The following CDH12 variants were observed in gnomAD, a reference collection of about 807,000 sequenced individuals.
CDH12 encodes cadherin-12.
In CDH12, 41 loss-of-function variants were observed where a neutral mutation model predicts 74.1. The ratio of observed to expected loss-of-function variants is 0.55; its 90% CI spans 0.43 to 0.72. CDH12 has a LOEUF of 0.72. CDH12 is among the 30% of genes least tolerant of loss of function. The pLI, the probability that CDH12 is intolerant of heterozygous loss-of-function variation, is 0.00. For synonymous variants in CDH12, 399 were observed against 355.0 expected, an observed-to-expected ratio of 1.12 and a Z score of -1.39; for missense variants, 945 against 977.2, an observed-to-expected ratio of 0.97 and a Z score of 0.44.
intron 10 of CDH12, among the ~76,000 whole-genome samples, chr5:21,792,182 A>T (rs1746536125): frequency 6.6e-6 from 1 of 151,938 alleles, no homozygotes; most frequent in Non-Finnish European, 1.5e-5. Flanking sequence ...TTTACTGAGT[A>T]CCTAAGCCAC....
At chr5:22,136,200 A>G (rs991168832) in intron 4 of CDH12, among the ~76,000 whole-genome samples, 1 of 152,016 alleles carries the variant, frequency 6.6e-6, no homozygotes, top group Non-Finnish European at 1.5e-5. Flanking sequence ...GAAGGAGAGG[A>G]GGTAAATGCA....
chr5:22,049,608 C>T (rs562722098), intron 5 of CDH12, among the ~76,000 whole-genome samples: 2 of 152,134 alleles, frequency 1.3e-5, no homozygotes, highest in South Asian at 2.1e-4. Context: ...TAAAATTACT[C>T]TTATCATTTC....
intron 4 of CDH12, chr5:22,151,929 A>C (rs1747609062): frequency 6.6e-6 from 1 of 152,014 alleles, no homozygotes. Context: ...ATGTAAAGAG[A>C]CCACCTTCAC....
rs562608548 is a variant in CDH12, at chr5:22,748,438, GA to G, written c.-523+104619del. 2.5e-3 allele frequency among the ~76,000 whole-genome samples: 364 copies of G among 147,480 alleles called. 3 individuals are homozygous for G. Among genetic ancestry groups the G allele is most frequent in the Admixed American group, 4.3e-3 (64 of 14,804 alleles). Reference sequence around the variant, plus strand: ...TATTTGTGAGACATGAGTGAATAAGGAAAAAAAAAAGATAAAGATAAAAGCA... The same window carrying G: ...TATTTGTGAGACATGAGTGAATAAGGAAAAAAAAAGATAAAGATAAAAGCA... On this transcript the variant is annotated intron_variant, in intron 1 of 14. Coordinates refer to ENST00000382254, the MANE Select transcript of CDH12 (RefSeq NM_004061.5).
At chr5:22,624,734 T>C (rs1199755092) in intron 1 of CDH12, among the ~76,000 whole-genome samples, 1 of 152,182 alleles carries the variant, frequency 6.6e-6, no homozygotes, top group African/African-American at 2.4e-5. Context: ...AGTTCAACTA[T>C]TGTGGAAGAC....
intron 1 of CDH12, among the ~76,000 whole-genome samples, chr5:22,743,741 C>A (rs899879023): frequency 1.3e-5 from 2 of 152,084 alleles, no homozygotes; most frequent in African/African-American, 4.8e-5. Context: ...CTTTGTTTGG[C>A]ATAGCAATTT....
intron 4 of CDH12, among the ~76,000 whole-genome samples, chr5:22,122,124 T>C (rs1745551828): frequency 2.0e-5 from 3 of 152,044 alleles, no homozygotes; most frequent in Non-Finnish European, 2.9e-5. Flanking sequence ...TCATTTCTGC[T>C]GGGCGCAGTG....
At chr5:22,225,422 C>G (rs1430751899) in intron 3 of CDH12, among the ~76,000 whole-genome samples, 2 of 151,976 alleles carry the variant, frequency 1.3e-5, no homozygotes, top group Non-Finnish European at 2.9e-5. Flanking sequence ...AAGACAATGT[C>G]AGCAATTATT....
At chr5:22,452,655 G>A (rs1745091203) in intron 2 of CDH12, among the ~76,000 whole-genome samples, 1 of 151,774 alleles carries the variant, frequency 6.6e-6, no homozygotes, top group Non-Finnish European at 1.5e-5. Flanking sequence ...CATGGCATGG[G>A]ACTGGGTAAG....
intron 7 of CDH12, 123 bp from the exon 8 acceptor site, chr5:21,842,451 A>G (rs1749925697): frequency 1.6e-6 from 1 of 627,062 alleles, no homozygotes; most frequent in Non-Finnish European, 2.6e-6. Context: ...AATAGCTAAA[A>G]TTGTATCTTT....
chr5:22,308,190 T>C (rs1179795504), intron 3 of CDH12, among the ~76,000 whole-genome samples: 1 of 152,070 alleles, frequency 6.6e-6, no homozygotes, highest in Admixed American at 6.5e-5. Context: ...CTAGATTCTT[T>C]TTAAGTCATA....
chr5:21,828,908 CTTTTTTTTTTTT>C (rs70957070), intron 8 of CDH12, among the ~76,000 whole-genome samples: 1 of 119,272 alleles, frequency 8.4e-6, no homozygotes, highest in Non-Finnish European at 1.7e-5. Context: ...AATCCTATGT[CTTTTTTTTTTTT>C]TTTTTTTTTT....
intron 1 of CDH12, among the ~76,000 whole-genome samples, chr5:22,616,174 T>G (rs1445109676): frequency 6.6e-6 from 1 of 152,082 alleles, no homozygotes; most frequent in Non-Finnish European, 1.5e-5. Flanking sequence ...AACTGTACTG[T>G]TCATTTCAAC....
intron 6 of CDH12, among the ~76,000 whole-genome samples, chr5:21,901,737 G>C (rs902866402): frequency 1.3e-5 from 2 of 151,978 alleles, no homozygotes; most frequent in Non-Finnish European, 2.9e-5. Context: ...AAGCAACCAG[G>C]TGTTCTCCCT....
chr5:21,817,253 T>C (rs1039148688), intron 8 of CDH12, 121 bp from the exon 9 acceptor site: 8 of 587,068 alleles, frequency 1.4e-5, no homozygotes, highest in African/African-American at 1.2e-4. Flanking sequence ...ATAGTGCAAA[T>C]TGAAAAGGCA....
chr5:21,912,597 T>C (rs538082511), intron 6 of CDH12, among the ~76,000 whole-genome samples: 3 of 152,274 alleles, frequency 2.0e-5, no homozygotes, highest in Admixed American at 1.3e-4. Context: ...AAAAATATTC[T>C]TGGGCATGTC....
At chr5:22,500,107 T>C (rs1479927377) in intron 2 of CDH12, among the ~76,000 whole-genome samples, 1 of 152,160 alleles carries the variant, frequency 6.6e-6, no homozygotes, top group Admixed American at 6.6e-5. Context: ...TTTAAAAGAA[T>C]ACTGGGGAAA....
chr5:22,106,076 A>T (rs983211216), intron 4 of CDH12, among the ~76,000 whole-genome samples: 1 of 152,090 alleles, frequency 6.6e-6, no homozygotes, highest in African/African-American at 2.4e-5. Context: ...TGTTCTTTCC[A>T]TGAAGATTTC....
At chr5:22,178,184 C>T in intron 4 of CDH12, among the ~76,000 whole-genome samples, 1 of 152,164 alleles carries the variant, frequency 6.6e-6, no homozygotes, top group Non-Finnish European at 1.5e-5. Context: ...TAACACCTAT[C>T]CTTTCTCATG....
Sources: gnomAD v4.1 joint callset for allele counts (sites outside exome capture counted in the v4.1 genomes callset) on GRCh38, gnomAD v4.1.1 for gene constraint, MANE v1.5 for transcripts, NCBI Gene and HGNC (gene_info 2026-07-23, HGNC 2026-07-21) for gene names.